Variants in RYK observed in about 807,000 individuals in gnomAD.
RYK encodes the protein receptor like tyrosine kinase.
RYK carries 21 observed loss-of-function variants against 70.2 expected under a neutral mutation model. The ratio of observed to expected loss-of-function variants is 0.30; its 90% CI spans 0.21 to 0.43. RYK has a LOEUF of 0.43. Ranked by LOEUF, RYK falls within the 20% of genes least tolerant of loss-of-function variation. RYK has a pLI of 1.00. For missense variants in RYK, 604 were observed against 753.3 expected, an observed-to-expected ratio of 0.80 and a Z score of 2.32; for synonymous variants, 267 against 278.0, an observed-to-expected ratio of 0.96 and a Z score of 0.39.
intron 7 of RYK, among the ~76,000 whole-genome samples, chr3:134,193,832 T>A (rs953894218): frequency 6.6e-6 from 1 of 152,336 alleles, no homozygotes; most frequent in South Asian, 2.1e-4. Flanking sequence ...CTTCTTCAAG[T>A]AGTATTTCCT....
chr3:134,160,809 C>A (rs978078250), intron 13 of RYK, among the ~76,000 whole-genome samples: 1 of 152,108 alleles, frequency 6.6e-6, no homozygotes, highest in African/African-American at 2.4e-5. Context: ...GAGCCGAGAT[C>A]GCGCCACTGC....
chr3:134,234,344 AT>A (rs2015144718), intron 1 of RYK, among the ~76,000 whole-genome samples: 1 of 152,192 alleles, frequency 6.6e-6, no homozygotes, highest in South Asian at 2.1e-4. Flanking sequence ...ATTATTAATG[AT>A]TAAAACACTT....
At chr3:134,246,784 T>C (rs758056504) in intron 1 of RYK, among the ~76,000 whole-genome samples, 2 of 152,090 alleles carry the variant, frequency 1.3e-5, no homozygotes, top group Admixed American at 6.5e-5. Flanking sequence ...ACATACATAG[T>C]AGCAAAATGA....
intron 13 of RYK, among the ~76,000 whole-genome samples, chr3:134,169,544 T>G (rs1430198013): frequency 6.6e-6 from 1 of 152,226 alleles, no homozygotes; most frequent in African/African-American, 2.4e-5. Context: ...AATCTTGATG[T>G]GCATAGTTCT....
At chr3:134,211,848 A>G (rs2107679843) in intron 2 of RYK, among the ~76,000 whole-genome samples, 1 of 152,278 alleles carries the variant, frequency 6.6e-6, no homozygotes, top group East Asian at 1.9e-4. Flanking sequence ...CTTCCATAAA[A>G]CCTGCCATCT....
At chr3:134,161,795 CTGTT>C (rs1248856672) in intron 13 of RYK, among the ~76,000 whole-genome samples, 7 of 151,300 alleles carry the variant, frequency 4.6e-5, no homozygotes, top group Middle Eastern at 3.4e-3. Context: ...AAACTCAACA[CTGTT>C]TGGTGAATTC....
At chr3:134,210,688 C>A (rs2014364320) in intron 3 of RYK, among the ~76,000 whole-genome samples, 1 of 152,280 alleles carries the variant, frequency 6.6e-6, no homozygotes, top group East Asian at 1.9e-4. Context: ...AGCTCAAAAG[C>A]AGTTAAATTG....
At chr3:134,221,290 C>T (rs181480965) in intron 2 of RYK, among the ~76,000 whole-genome samples, 63 of 146,704 alleles carry the variant, frequency 4.3e-4, no homozygotes, top group African/African-American at 1.5e-3. Context: ...CTGCAACCTC[C>T]GCCTCCCGGG....
At chr3:134,245,383 A>C (rs1323885947) in intron 1 of RYK, among the ~76,000 whole-genome samples, 1 of 152,298 alleles carries the variant, frequency 6.6e-6, no homozygotes, top group South Asian at 2.1e-4. Flanking sequence ...TTAAAAAAAA[A>C]AAATCACAAA....
At chr3:134,179,039 G>A (rs2013205753) in intron 10 of RYK, 1 of 152,024 alleles carries the variant, frequency 6.6e-6, no homozygotes, top group Admixed American at 6.6e-5. Context: ...TGCTTCTAAG[G>A]ATGTTTAATA....
intron 1 of RYK, among the ~76,000 whole-genome samples, chr3:134,227,238 G>A (rs1409725760): frequency 1.3e-5 from 2 of 152,086 alleles, no homozygotes; most frequent in African/African-American, 2.4e-5. Context: ...TCTCTACACT[G>A]AAAACTATAA....
rs761782790 is a variant in RYK, at chr3:134,159,333, C to T, written c.1616G>A (p.Gly539Asp). The change falls in exon 14 of 15, where the codon GGC becomes GAC. Residue 539 changes from glycine (G) to aspartate (D), a missense_variant. Gly to Asp is a moderately conservative substitution (Grantham distance 94, BLOSUM62 -1). This residue lies in a region of RYK where 138 missense variants were observed against 217.4 expected (regional missense o/e 0.63). Transcript: ENST00000623711. ...GTCAATGTCCACGTAGGGAGTCTGG[C>T]CCAGAGTCATGAGTTCCCACAGCGT... ...GVTLWELMTLGQTPYVDIDPF... is the reference protein window; with the variant it reads ...GVTLWELMTLDQTPYVDIDPF... The T allele has an allele frequency of 1.9e-6, 3 of 1,613,528 alleles. No individual in the cohort carries two copies. In the African/African-American group the frequency reaches 4.0e-5, roughly 22 times the overall value.
rs1423800183 is a variant in RYK at position 134,250,603 on chromosome 3, C to T, written c.52G>A (p.Ala18Thr). 3.8e-6 allele frequency: 4 copies of T among 1,048,610 alleles called. No individual in the cohort carries two copies. Among genetic ancestry groups the T allele is most frequent in the Non-Finnish European group, 4.6e-6 (4 of 866,012 alleles). The allele number at this position is 1,048,610 out of a possible 1,614,324, so 65.0% of individuals were successfully genotyped here. Reference sequence around the variant, plus strand: ...GGCGGCGGGGCCCTCAGGCCGCGGGCCCCCGGGAGGCAACTCCGGCCCGGC... The same window carrying T: ...GGCGGCGGGGCCCTCAGGCCGCGGGTCCCCGGGAGGCAACTCCGGCCCGGC... Reference protein sequence around the residue: ...GRPGRSCLPGARGLRAPPPPP... With the variant: ...GRPGRSCLPGTRGLRAPPPPP... Residue 18 changes from alanine (A) to threonine (T), a missense_variant, in exon 1 of 15, where the codon GCC becomes ACC. This residue lies in a region of RYK where 466 missense variants were observed against 535.9 expected (regional missense o/e 0.87). Coordinates refer to ENST00000623711, the MANE Select transcript of RYK (RefSeq NM_002958.4).
intron 6 of RYK, among the ~76,000 whole-genome samples, chr3:134,202,088 G>C (rs2014045505): frequency 6.6e-6 from 1 of 151,964 alleles, no homozygotes; most frequent in Non-Finnish European, 1.5e-5. Flanking sequence ...TTAAAATCTT[G>C]AAACTATAAA....
At chr3:134,190,376 C>A (rs2013607762) in intron 8 of RYK, among the ~76,000 whole-genome samples, 1 of 152,124 alleles carries the variant, frequency 6.6e-6, no homozygotes, top group African/African-American at 2.4e-5. Context: ...CTCTCAAACA[C>A]AGATTTACAT....
intron 7 of RYK, among the ~76,000 whole-genome samples, chr3:134,193,377 G>A (rs1359940758): frequency 1.3e-5 from 2 of 152,118 alleles, no homozygotes; most frequent in Non-Finnish European, 2.9e-5. Context: ...TAGAGATGGG[G>A]TTTCACCGTG....
At chr3:134,161,398 C>T (rs1457440231) in intron 13 of RYK, among the ~76,000 whole-genome samples, 2 of 152,088 alleles carry the variant, frequency 1.3e-5, no homozygotes, top group Non-Finnish European at 2.9e-5. Context: ...TAGCATTCTC[C>T]CTGGGCTCTA....
At chr3:134,197,570 G>A (rs2013855013) in intron 6 of RYK, among the ~76,000 whole-genome samples, 1 of 152,008 alleles carries the variant, frequency 6.6e-6, no homozygotes, top group Non-Finnish European at 1.5e-5. Context: ...CCAGTCGTTA[G>A]AGCAAAAAGG....
At chr3:134,172,647 A>T (rs1034530885) in intron 13 of RYK, among the ~76,000 whole-genome samples, 2 of 151,986 alleles carry the variant, frequency 1.3e-5, no homozygotes, top group African/African-American at 4.8e-5. Context: ...TTCTCTCCCT[A>T]AAAAAAAGCC....
Sources: gnomAD v4.1 joint callset for allele counts (sites outside exome capture counted in the v4.1 genomes callset) on GRCh38, gnomAD v4.1.1 for gene constraint, gnomAD v4.1.1 regional missense constraint, MANE v1.5 for transcripts, NCBI Gene and HGNC (gene_info 2026-07-23, HGNC 2026-07-21) for gene names.